SAMD11: variants seen among roughly 807,000 people sequenced by gnomAD.
The protein encoded by SAMD11 is sterile alpha motif domain-containing protein 11.
SAMD11 carries 77 observed loss-of-function variants against 64.4 expected under a neutral mutation model. The ratio of observed to expected loss-of-function variants is 1.20; its 90% CI spans 0.99 to 1.44. The LOEUF is 1.44. SAMD11 is among the 40% of genes most tolerant of loss of function. SAMD11 has a pLI of 0.00. For synonymous variants in SAMD11, 658 were observed against 421.9 expected (o/e 1.56, Z -6.86); for missense variants, 1,402 against 943.3 (o/e 1.49, Z -6.37).
In SAMD11 at chr1:942,455, A is replaced by G. The variant is rs1203823635; in HGVS notation, c.1520A>G (p.Gln507Arg). Residue 507 changes from glutamine (Q) to arginine (R), a missense_variant, in exon 10 of 14, where the codon CAG becomes CGG. By Grantham distance (43) the Gln-to-Arg change is conservative. Coordinates refer to ENST00000616016, the MANE Select transcript of SAMD11 (RefSeq NM_001385641.1). The stretch of plus-strand genomic sequence containing the variant: ...GCGCAGGCGGAGATGTTCGCCTGGC[A>G]GCAGGAGCTCCTGCGGAAGCAGAAC... ...PPAQAEMFAWQQELLRKQNLA... is the reference protein window; with the variant it reads ...PPAQAEMFAWRQELLRKQNLA... 6.8e-7 allele frequency: 1 copy of G among 1,481,220 alleles called. No individual in the cohort carries two copies. The highest frequency in any genetic ancestry group is 8.9e-7 in the Non-Finnish European group (1 of 1,122,218). 91.8% of individuals were successfully genotyped at this position (1,481,220 alleles called of 1,614,324 possible). A position where few individuals can be genotyped will look rare whatever the true frequency, so the allele number is the denominator to read the frequency against.
In SAMD11 at chr1:942,785, G is replaced by A; in HGVS notation, c.1780G>A (p.Ala594Thr). ...PTPSRDSARR[A>T]PRKGGPGPAS... is the part of the protein sequence containing the mutation. ...CCCGTCCCGGGACTCTGCCCGGCGA[G>A]CCCCCCGGAAGGGGGGTCCCGGCCC... The change falls in exon 11 of 14, where the codon GCC (alanine) becomes ACC (threonine). Residue 594 changes from alanine (A) to threonine (T), a missense_variant. Ala to Thr is a moderately conservative substitution (Grantham distance 58, BLOSUM62 0). Coordinates refer to ENST00000616016, the MANE Select transcript of SAMD11 (RefSeq NM_001385641.1). The A allele has an allele frequency of 3.2e-6, 5 of 1,539,166 alleles. No homozygotes were observed. The South Asian group carries it at 6.0e-5, about 18-fold the overall frequency.
rs531530685 is a variant in SAMD11, at chr1:931,792, G to A, written c.842+703G>A. On this transcript the variant is annotated intron_variant, in intron 4 of 13. Coordinates refer to ENST00000616016, the MANE Select transcript of SAMD11 (RefSeq NM_001385641.1). ...GTAGGGGGTGTGATTCCAGGATGTG[G>A]AAAGGAGATAAAAATGAAGAGCCCC... Among the ~76,000 whole-genome samples the A allele has an allele frequency of 2.0e-5, 3 of 152,360 alleles. No individual in the cohort carries two copies. The South Asian group carries it at 6.2e-4, about 32-fold the overall frequency.
intron 3 of SAMD11, 69 bp from the exon 4 acceptor site, chr1:930,970 C>T (rs1641139966): frequency 6.6e-7 from 1 of 1,504,652 alleles, no homozygotes; most frequent in South Asian, 1.1e-5. Flanking sequence ...TCTGCGCACG[C>T]CCTGCTATCC....
chr1:939,882 TC>T (rs1274563900), intron 7 of SAMD11, among the ~76,000 whole-genome samples: 4 of 152,026 alleles, frequency 2.6e-5, no homozygotes, highest in African/African-American at 9.7e-5. Flanking sequence ...CCACCAGGAC[TC>T]CCCAGGTGCT....
At position 942,861 on chromosome 1, in the gene SAMD11, G is replaced by C; in HGVS notation, c.1856G>C (p.Trp619Ser). The part of the protein sequence containing the change: ...ESKEMTGARL[W>S]AQDGSEDEPP... ...AAGGAGATGACGGGGGCTAGGCTCT[G>C]GGCACAAGATGGCTCGGAAGACGAG... The change falls in exon 11 of 14, where the codon TGG (tryptophan) becomes TCG (serine). Residue 619 changes from tryptophan to serine, a missense_variant. Transcript: ENST00000616016. 1 of 1,553,438 alleles carries C rather than the reference G, an allele frequency of 6.4e-7. No individual in the cohort carries two copies. The highest frequency in any genetic ancestry group is 8.7e-7 in the Non-Finnish European group (1 of 1,148,564).
chr1:926,051 TC>T, intron 2 of SAMD11, 38 bp downstream of exon 2: 1 of 1,582,198 alleles, frequency 6.3e-7, no homozygotes, highest in Non-Finnish European at 8.6e-7. Flanking sequence ...GGAGTTACTC[TC>T]CCCTGCGGAG....
chr1:926,107 C>A, intron 2 of SAMD11, 94 bp downstream of exon 2: 1 of 1,227,876 alleles, frequency 8.1e-7, no homozygotes, highest in Non-Finnish European at 1.2e-6. Flanking sequence ...AGAGTCCTAA[C>A]CTCACCCCTG....
chr1:939,559 C>T (rs1569902336), intron 7 of SAMD11, 147 bp downstream of exon 7: 3 of 1,467,500 alleles, frequency 2.0e-6, no homozygotes, highest in Non-Finnish European at 2.8e-6. Context: ...CAAGGCCAGG[C>T]TGGATGCAGG....
intron 2 of SAMD11, among the ~76,000 whole-genome samples, chr1:928,508 G>C (rs1464652028): frequency 1.3e-5 from 2 of 152,274 alleles, no homozygotes; most frequent in Non-Finnish European, 2.9e-5. Flanking sequence ...GCACACTCCG[G>C]ACAGGCTGTG....
intron 5 of SAMD11, among the ~76,000 whole-genome samples, chr1:937,712 C>A (rs1256973669): frequency 6.6e-6 from 1 of 152,152 alleles, no homozygotes; most frequent in Admixed American, 6.5e-5. Context: ...CGCCGCCCGC[C>A]GGGCCCAGCC....
In SAMD11 at chr1:933,838, G is replaced by C. The variant is rs1426525545; in HGVS notation, c.843-1934G>C. ...TTTAGAGCCCAGCCTGGGAGTCTTT[G>C]GTGCTGAAACGGATCTGCTTAGGGG... is the stretch of plus-strand genomic sequence containing the variant. On this transcript the variant is annotated intron_variant, in intron 4 of 13. Coordinates refer to ENST00000616016, the MANE Select transcript of SAMD11 (RefSeq NM_001385641.1). Among the ~76,000 whole-genome samples, 8 of 151,768 alleles carry C rather than the reference G, an allele frequency of 5.3e-5. No homozygotes were observed. The East Asian group carries it at 1.5e-3, about 29-fold the overall frequency.
chr1:943,272 C>T lies in SAMD11; in HGVS notation c.2073C>T (p.Ser691=), dbSNP rs1281171665. ...ACTCAGGCGCGGTAGGGGGACTCTCCATGGATGGGGAGGAGGCCCCAGCCC... is the reference window on the plus strand; with the variant it reads ...ACTCAGGCGCGGTAGGGGGACTCTCTATGGATGGGGAGGAGGCCCCAGCCC... ...YFHTGAVGGL[S]MDGEEAPAPE... The change falls in exon 12 of 14, where the codon TCC becomes TCT. Residue 691 remains serine (S), a synonymous_variant. Transcript: ENST00000616016. The T allele has an allele frequency of 9.9e-6, 16 of 1,612,726 alleles. 1 individual carries two copies. The South Asian group carries it at 1.3e-4, about 13-fold the overall frequency.
intron 4 of SAMD11, 39 bp from the exon 5 acceptor site, chr1:935,733 C>G (rs376251677): frequency 5.6e-6 from 9 of 1,611,188 alleles, no homozygotes; most frequent in Non-Finnish European, 7.6e-6. Context: ...AGCCTCGCAG[C>G]TGCCCACGGG....
chr1:941,981 C>CG (rs896723286), intron 8 of SAMD11, 155 bp from the exon 9 acceptor site: 5 of 373,434 alleles, frequency 1.3e-5, no homozygotes, highest in Non-Finnish European at 2.4e-5. Flanking sequence ...GCGCCGCCGG[C>CG]GGGGGCGGGG....
chr1:944,018 G>T lies in SAMD11; in HGVS notation c.2400G>T (p.Gln800His). 2 of 1,612,900 alleles carry T rather than the reference G, an allele frequency of 1.2e-6. No individual in the cohort carries two copies. Among genetic ancestry groups the T allele is most frequent in the Non-Finnish European group, 1.7e-6 (2 of 1,180,006 alleles). ...APERELGTGEQPLSPTTATSP... is the reference protein window; with the variant it reads ...APERELGTGEHPLSPTTATSP... ...AGCGAGAACTCGGCACAGGAGAGCAGCCCTTGTCCCCCACGACGGCCACGT... is the reference window on the plus strand; with the variant it reads ...AGCGAGAACTCGGCACAGGAGAGCATCCCTTGTCCCCCACGACGGCCACGT... The change falls in exon 14 of 14, where the codon CAG (glutamine) becomes CAT (histidine). Residue 800 changes from glutamine to histidine, a missense_variant. Transcript: ENST00000616016.
intron 2 of SAMD11, among the ~76,000 whole-genome samples, chr1:929,428 C>A (rs1197204539): frequency 6.6e-6 from 1 of 152,212 alleles, no homozygotes; most frequent in Non-Finnish European, 1.5e-5. Context: ...AGCCCCGGGG[C>A]CTGCAGTCTG....
rs758798279 is a variant in SAMD11 at position 944,350 on chromosome 1, C to G, written c.*197C>G. The G allele has an allele frequency of 1.9e-4, 261 of 1,366,830 alleles. No individual in the cohort carries two copies. Among genetic ancestry groups the G allele is most frequent in the Non-Finnish European group, 2.3e-4 (242 of 1,066,914 alleles). The allele number at this position is 1,366,830 out of a possible 1,614,324, so 84.7% of individuals were successfully genotyped here. On this transcript the variant is annotated 3_prime_UTR_variant, in exon 14 of 14. Coordinates refer to ENST00000616016, the MANE Select transcript of SAMD11 (RefSeq NM_001385641.1). ...GAAGGCAGAGCCTGGTGCAGATGGA[C>G]GAGGTCTGCAGACGGAGGGCAGAGG...
At chr1:937,075 C>T (rs1026302886) in intron 5 of SAMD11, among the ~76,000 whole-genome samples, 2 of 152,154 alleles carry the variant, frequency 1.3e-5, no homozygotes, top group African/African-American at 2.4e-5. Flanking sequence ...CGGGGCCTCA[C>T]GTGTCCTGGA....
intron 5 of SAMD11, among the ~76,000 whole-genome samples, chr1:937,500 C>T (rs977099906): frequency 1.3e-5 from 2 of 151,488 alleles, no homozygotes; most frequent in African/African-American, 4.8e-5. Flanking sequence ...AAGTGATTGC[C>T]AGGAGGTGAG....
Sources: gnomAD v4.1 joint callset for allele counts (sites outside exome capture counted in the v4.1 genomes callset) on GRCh38, gnomAD v4.1.1 for gene constraint, MANE v1.5 for transcripts, NCBI Gene and HGNC (gene_info 2026-07-23, HGNC 2026-07-21) for gene names.